The following CTTNBP2NL variants were observed in gnomAD, a reference collection of about 807,000 sequenced individuals.
CTTNBP2NL encodes CTTNBP2 N-terminal like.
Under a neutral mutation model 32.5 loss-of-function variants are expected in CTTNBP2NL, and 16 were observed. That is an observed-to-expected ratio of 0.49 (90% CI 0.33 to 0.75). The LOEUF (loss-of-function observed/expected upper bound fraction) is 0.75, where lower values mean the gene tolerates loss of function less well. Among genes scored for constraint, CTTNBP2NL ranks in the 30% least tolerant of loss-of-function variants. The pLI, the probability that CTTNBP2NL is intolerant of heterozygous loss-of-function variation, is 0.02. For missense variants in CTTNBP2NL, 645 were observed against 756.0 expected, an observed-to-expected ratio of 0.85 and a Z score of 1.72; for synonymous variants, 298 against 289.4, an observed-to-expected ratio of 1.03 and a Z score of -0.30.
At chr1:112,446,197 G>GAAA (rs71723384) in intron 3 of CTTNBP2NL, among the ~76,000 whole-genome samples, 14 of 144,576 alleles carry the variant, frequency 9.7e-5, no homozygotes, top group African/African-American at 1.0e-4. Context: ...TAAAAAAGTG[G>GAAA]AAAAAAAAAA....
At chr1:112,453,661 G>A (rs770059262) in intron 4 of CTTNBP2NL, among the ~76,000 whole-genome samples, 3 of 152,056 alleles carry the variant, frequency 2.0e-5, no homozygotes, top group Non-Finnish European at 4.4e-5. Context: ...CTGAGAGGTG[G>A]GAGAATCTCT....
intron 3 of CTTNBP2NL, among the ~76,000 whole-genome samples, chr1:112,436,433 C>G (rs1557893358): frequency 6.6e-6 from 1 of 152,170 alleles, no homozygotes. Context: ...TGTTGCCATC[C>G]TTCAGAATGA....
At position 112,456,167 on chromosome 1, in the gene CTTNBP2NL, A is replaced by G. The variant is rs779389381; in HGVS notation, c.675A>G (p.Arg225=). 1.9e-6 allele frequency: 3 copies of G among 1,614,152 alleles called. No individual in the cohort carries two copies. In the South Asian group the frequency reaches 3.3e-5, roughly 18 times the overall value. Residue 225 remains arginine, a synonymous_variant, in exon 6 of 6, where the codon AGA becomes AGG. Transcript: ENST00000271277. ...TGGAAGAAGAGTTGGCAGCTGAGAGAAAGAGAGGCTTGCAGACTGAGGCCC... is the reference window on the plus strand; with the variant it reads ...TGGAAGAAGAGTTGGCAGCTGAGAGGAAGAGAGGCTTGCAGACTGAGGCCC... ...SKLEEELAAE[R]KRGLQTEAQV... is the part of the protein sequence containing the mutation.
At chr1:112,402,972 G>C (rs141147064) in intron 1 of CTTNBP2NL, among the ~76,000 whole-genome samples, 1 of 152,128 alleles carries the variant, frequency 6.6e-6, no homozygotes, top group African/African-American at 2.4e-5. Flanking sequence ...CCCTGTTTTT[G>C]CTAATGGTAT....
Position 112,458,840 on chromosome 1 carries a change from C to G in CTTNBP2NL, c.*1428C>G, listed in dbSNP as rs1650461551. ...AATAAATAGGCAGAGCTAAACTAAC[C>G]CCAGTGTCACAAAACTCAACTGGTC... is the stretch of plus-strand genomic sequence containing the variant. On this transcript the variant is annotated 3_prime_UTR_variant, in exon 6 of 6. Coordinates refer to ENST00000271277, the MANE Select transcript of CTTNBP2NL (RefSeq NM_018704.3). The G allele has an allele frequency of 6.6e-6, 1 of 152,084 alleles. No individual in the cohort carries two copies. The highest frequency in any genetic ancestry group is 1.5e-5 in the Non-Finnish European group (1 of 68,026). The allele number at this position is 152,084 out of a possible 1,614,324, so 9.4% of individuals were successfully genotyped here.
chr1:112,450,777 T>C (rs551946472), intron 4 of CTTNBP2NL, among the ~76,000 whole-genome samples: 83 of 151,116 alleles, frequency 5.5e-4, no homozygotes, highest in African/African-American at 2.0e-3. Flanking sequence ...CTTTTTTTTT[T>C]TTTTTTTGAG....
chr1:112,450,092 A>G (rs1016812154), intron 4 of CTTNBP2NL, among the ~76,000 whole-genome samples: 1 of 152,226 alleles, frequency 6.6e-6, no homozygotes, highest in African/African-American at 2.4e-5. Context: ...TTTCATCTGA[A>G]AAATAGGGTT....
chr1:112,408,208 CT>C (rs35497062), intron 1 of CTTNBP2NL, among the ~76,000 whole-genome samples: 5 of 128,762 alleles, frequency 3.9e-5, no homozygotes, highest in South Asian at 4.9e-4. Flanking sequence ...TACTTTCTTT[CT>C]TTTTTTTTTA....
intron 3 of CTTNBP2NL, among the ~76,000 whole-genome samples, chr1:112,430,427 G>A (rs1314513777): frequency 6.6e-6 from 1 of 151,894 alleles, no homozygotes; most frequent in African/African-American, 2.4e-5. Flanking sequence ...TTGTAGAGAT[G>A]GGGTTTCGCC....
At chr1:112,393,623 A>G (rs1648236016), upstream of CTTNBP2NL, among the ~76,000 whole-genome samples, 1 of 152,246 alleles carries the variant, frequency 6.6e-6, no homozygotes, top group South Asian at 2.1e-4. Context: ...ACAATCTGAA[A>G]GATACACGAG....
intron 1 of CTTNBP2NL, chr1:112,396,544 C>G (rs941438899): frequency 5.3e-5 from 8 of 152,350 alleles, no homozygotes; most frequent in Admixed American, 6.5e-5. Context: ...TTCAAAGGCA[C>G]CTCCCACCCC....
rs575061863 is a variant in CTTNBP2NL, at chr1:112,417,655, G to A, written c.99+1391G>A. Among the ~76,000 whole-genome samples the A allele has an allele frequency of 9.7e-4, 148 of 152,118 alleles. 1 individual carries two copies. Among genetic ancestry groups the A allele is most frequent in the Non-Finnish European group, 1.9e-3 (129 of 68,020 alleles). On this transcript the variant is annotated intron_variant, in intron 3 of 5. Transcript: ENST00000271277. ...TCTGTAGGTGATAAAATTATTCTGA[G>A]GCTTAACTCTGTGCAGTTTAGGTGA...
Position 112,454,546 on chromosome 1 carries a change from T to C in CTTNBP2NL, c.428T>C (p.Leu143Pro). Residue 143 changes from leucine (L) to proline (P), a missense_variant, in exon 5 of 6, where the codon CTG becomes CCG. By Grantham distance (98) the Leu-to-Pro change is moderately conservative (BLOSUM62 -3). Coordinates refer to ENST00000271277, the MANE Select transcript of CTTNBP2NL (RefSeq NM_018704.3). ...ATGCTAGAGAAGGAAAGAGAGAGGC[T>C]GACTCAACAGGTAATTAAGGTAGAG... is the stretch of plus-strand genomic sequence containing the variant. ...TYMLEKERER[L>P]TQQLEFEKSQ... 2 of 1,602,746 alleles carry C rather than the reference T, an allele frequency of 1.2e-6. No homozygotes were observed. The highest frequency in any genetic ancestry group is 1.7e-6 in the Non-Finnish European group (2 of 1,169,630).
At chr1:112,432,972 T>C (rs1649612315) in intron 3 of CTTNBP2NL, among the ~76,000 whole-genome samples, 1 of 152,176 alleles carries the variant, frequency 6.6e-6, no homozygotes, top group African/African-American at 2.4e-5. Context: ...CATTCAACCG[T>C]GTTGACCATC....
intron 3 of CTTNBP2NL, 78 bp downstream of exon 3, chr1:112,416,342 G>A (rs941440912): frequency 3.9e-6 from 3 of 777,060 alleles, no homozygotes; most frequent in Non-Finnish European, 6.3e-6. Context: ...TTTAACTAAG[G>A]TATTTCTGCA....
At position 112,413,041 on chromosome 1, in the gene CTTNBP2NL, T is replaced by C. The variant is rs183977679; in HGVS notation, c.-10+724T>C. On this transcript the variant is annotated intron_variant, in intron 2 of 5. Transcript: ENST00000271277. Reference sequence around the variant, plus strand: ...GTCATTGACAAGGAATAGAACTTTTTCTTGCCTAGGCTGGACTGTTTTGTA... The same window carrying C: ...GTCATTGACAAGGAATAGAACTTTTCCTTGCCTAGGCTGGACTGTTTTGTA... Among the ~76,000 whole-genome samples the C allele has an allele frequency of 7.7e-4, 118 of 152,334 alleles. 1 individual carries two copies. In the East Asian group the frequency reaches 0.021, roughly 27 times the overall value.
At position 112,456,884 on chromosome 1, in the gene CTTNBP2NL, C is replaced by T. The variant is rs1175847375; in HGVS notation, c.1392C>T (p.His464=). ...ACCAACGGTTCCATGCAGCTCGCCA[C>T]AAATTTCAGTCCCAAGCAGATCAGG... ...GINQRFHAAR[H]KFQSQADQDQ... is the part of the protein sequence containing the mutation. Residue 464 remains histidine, a synonymous_variant, in exon 6 of 6, where the codon CAC becomes CAT. Transcript: ENST00000271277. 6.2e-7 allele frequency: 1 copy of T among 1,614,124 alleles called. No homozygotes were observed. The highest frequency in any genetic ancestry group is 8.5e-7 in the Non-Finnish European group (1 of 1,180,026).
intron 3 of CTTNBP2NL, among the ~76,000 whole-genome samples, chr1:112,437,767 C>T (rs1173766334): frequency 6.6e-6 from 1 of 152,208 alleles, no homozygotes; most frequent in Non-Finnish European, 1.5e-5. Context: ...TTGTGATCCG[C>T]CTGCCTCAGC....
chr1:112,406,474 G>C (rs1224907109), intron 1 of CTTNBP2NL, among the ~76,000 whole-genome samples: 2 of 152,170 alleles, frequency 1.3e-5, no homozygotes, highest in Non-Finnish European at 2.9e-5. Flanking sequence ...CTTTGAGCAA[G>C]TTTTTTAGCC....
Sources: allele counts gnomAD v4.1 joint callset (sites outside exome capture counted in the v4.1 genomes callset), GRCh38; gene constraint gnomAD v4.1.1; transcripts MANE v1.5; gene names NCBI Gene and HGNC (gene_info 2026-07-23, HGNC 2026-07-21).